The following GRIN2A variants were observed in gnomAD, a reference collection of about 807,000 sequenced individuals.
The protein encoded by GRIN2A is glutamate receptor ionotropic, NMDA 2A.
GRIN2A carries 22 observed loss-of-function variants against 113.4 expected under a neutral mutation model. That is an observed-to-expected ratio of 0.19 (90% CI 0.14 to 0.28). The LOEUF (loss-of-function observed/expected upper bound fraction) is 0.28. Among genes scored for constraint, GRIN2A ranks in the 10% least tolerant of loss-of-function variants. The pLI is 1.00. For missense variants in GRIN2A, 1,502 were observed against 1,887.0 expected (o/e 0.80, Z 3.78); for synonymous variants, 827 against 738.4 (o/e 1.12, Z -1.94).
At chr16:10,131,963 A>G (rs925091129) in intron 2 of GRIN2A, among the ~76,000 whole-genome samples, 1 of 152,136 alleles carries the variant, frequency 6.6e-6, no homozygotes, top group East Asian at 1.9e-4. Flanking sequence ...TACCACCATT[A>G]TTCTCCTCTA....
At chr16:10,022,842 C>T (rs9921906) in intron 2 of GRIN2A, among the ~76,000 whole-genome samples, 1 of 151,916 alleles carries the variant, frequency 6.6e-6, no homozygotes, top group Non-Finnish European at 1.5e-5. Context: ...GAGAAAAATG[C>T]CAACAATGAC....
intron 2 of GRIN2A, among the ~76,000 whole-genome samples, chr16:10,045,533 C>G (rs2141971370): frequency 6.6e-6 from 1 of 152,274 alleles, no homozygotes; most frequent in East Asian, 1.9e-4. Flanking sequence ...TTAATCCTGA[C>G]TGATCTTCTG....
intron 4 of GRIN2A, among the ~76,000 whole-genome samples, chr16:9,885,438 G>T (rs531476320): frequency 1.6e-4 from 24 of 152,206 alleles, no homozygotes; most frequent in Non-Finnish European, 3.1e-4. Flanking sequence ...ATTTGTGAGA[G>T]AAAGTCTGCT....
chr16:9,979,392 C>T (rs533620118), intron 2 of GRIN2A, among the ~76,000 whole-genome samples: 3 of 152,306 alleles, frequency 2.0e-5, no homozygotes, highest in East Asian at 3.9e-4. Flanking sequence ...CTTTTTCCCT[C>T]CTCAGTGTCT....
At chr16:10,073,821 C>T (rs1426255549) in intron 2 of GRIN2A, among the ~76,000 whole-genome samples, 1 of 149,594 alleles carries the variant, frequency 6.7e-6, no homozygotes, top group African/African-American at 2.5e-5. Flanking sequence ...GAGGCTGAGG[C>T]AGGAGAATCA....
intron 4 of GRIN2A, among the ~76,000 whole-genome samples, chr16:9,853,438 T>C (rs961090008): frequency 6.6e-6 from 1 of 152,184 alleles, no homozygotes; most frequent in African/African-American, 2.4e-5. Flanking sequence ...TTTTCCACCA[T>C]ATCAGTATGC....
intron 10 of GRIN2A, among the ~76,000 whole-genome samples, chr16:9,804,484 C>T (rs1172738291): frequency 6.6e-6 from 1 of 152,040 alleles, no homozygotes; most frequent in Admixed American, 6.6e-5. Context: ...GCCACATTCT[C>T]AGTTCCTACC....
rs1395289672 is a variant in GRIN2A at position 10,068,316 on chromosome 16, A to G, written c.414+111682T>C. ...AGACTGGGTAATTTATAAAGAAAAGACGTTTAATTGGCTCACAGTTCTGCA... is the reference window on the plus strand; with the variant it reads ...AGACTGGGTAATTTATAAAGAAAAGGCGTTTAATTGGCTCACAGTTCTGCA... On this transcript the variant is annotated intron_variant, in intron 2 of 12. Coordinates refer to ENST00000330684, the MANE Select transcript of GRIN2A (RefSeq NM_001134407.3). 2.6e-5 allele frequency among the ~76,000 whole-genome samples: 4 copies of G among 152,226 alleles called. No homozygotes were observed. The East Asian group carries it at 7.7e-4, about 29-fold the overall frequency.
intron 2 of GRIN2A, among the ~76,000 whole-genome samples, chr16:9,990,716 AT>A (rs2046095050): frequency 6.6e-6 from 1 of 151,892 alleles, no homozygotes; most frequent in Admixed American, 6.6e-5. Flanking sequence ...AGCAGGAGAA[AT>A]TTCGCCTAAC....
At chr16:9,906,260 T>G (rs762364305) in intron 3 of GRIN2A, among the ~76,000 whole-genome samples, 32 of 152,216 alleles carry the variant, frequency 2.1e-4, no homozygotes, top group Non-Finnish European at 3.8e-4. Context: ...GCAACTTTAA[T>G]TTTTCCAACC....
chr16:10,177,120 G>A (rs1256524901), intron 2 of GRIN2A, among the ~76,000 whole-genome samples: 1 of 152,156 alleles, frequency 6.6e-6, no homozygotes, highest in African/African-American at 2.4e-5. Context: ...CACCGTGACT[G>A]TTTCTTTGGA....
chr16:10,156,638 C>T (rs2049702016), intron 2 of GRIN2A, among the ~76,000 whole-genome samples: 1 of 152,104 alleles, frequency 6.6e-6, no homozygotes, highest in South Asian at 2.1e-4. Flanking sequence ...AGACTGAGTG[C>T]ATAGGAGGCA....
chr16:9,837,756 T>A (rs570298380), intron 7 of GRIN2A, among the ~76,000 whole-genome samples: 4 of 152,304 alleles, frequency 2.6e-5, no homozygotes, highest in African/African-American at 9.6e-5. Context: ...TATCAGCTGG[T>A]TGCATTGTTC....
intron 2 of GRIN2A, among the ~76,000 whole-genome samples, chr16:10,107,635 A>G (rs141169498): frequency 4.7e-4 from 71 of 152,340 alleles, no homozygotes; most frequent in African/African-American, 1.6e-3. Context: ...TGGGGTTTGC[A>G]AGATCCCTAA....
intron 2 of GRIN2A, among the ~76,000 whole-genome samples, chr16:10,159,033 G>C (rs745448594): frequency 2.9e-4 from 44 of 152,158 alleles, no homozygotes; most frequent in Non-Finnish European, 5.1e-4. Flanking sequence ...CAGAGGTTGT[G>C]GAGTCAGGAG....
chr16:10,123,111 A>T lies in GRIN2A; in HGVS notation c.414+56887T>A, dbSNP rs184159854. ...ATCAAAGTTTTTTCCCAGCACAGGGAGATGGGGCCGATCTCTCTTGGATCA... is the reference window on the plus strand; with the variant it reads ...ATCAAAGTTTTTTCCCAGCACAGGGTGATGGGGCCGATCTCTCTTGGATCA... On this transcript the variant is annotated intron_variant, in intron 2 of 12. Coordinates refer to ENST00000330684, the MANE Select transcript of GRIN2A (RefSeq NM_001134407.3). 8.9e-4 allele frequency among the ~76,000 whole-genome samples: 135 copies of T among 152,284 alleles called. 1 individual carries two copies. Among genetic ancestry groups the T allele is most frequent in the African/African-American group, 3.1e-3 (128 of 41,560 alleles).
chr16:10,019,659 T>C (rs1474950599), intron 2 of GRIN2A, among the ~76,000 whole-genome samples: 1 of 152,246 alleles, frequency 6.6e-6, no homozygotes, highest in African/African-American at 2.4e-5. Context: ...ACTCATTTGT[T>C]TGGCAAATGC....
intron 3 of GRIN2A, among the ~76,000 whole-genome samples, chr16:9,927,668 G>A (rs2044494375): frequency 6.6e-6 from 1 of 152,158 alleles, no homozygotes; most frequent in Admixed American, 6.5e-5. Context: ...TGACACATAG[G>A]AGGAAGTCAA....
At chr16:10,051,724 C>T (rs1567263620) in intron 2 of GRIN2A, among the ~76,000 whole-genome samples, 1 of 152,120 alleles carries the variant, frequency 6.6e-6, no homozygotes, top group Non-Finnish European at 1.5e-5. Context: ...ATACCAGGAA[C>T]GGTCACCAGA....
Sources: allele counts gnomAD v4.1 joint callset (sites outside exome capture counted in the v4.1 genomes callset), GRCh38; gene constraint gnomAD v4.1.1; transcripts MANE v1.5; gene names NCBI Gene and HGNC (gene_info 2026-07-23, HGNC 2026-07-21).